Variants in EFNA5 observed in about 807,000 individuals in gnomAD.
EFNA5 encodes ephrin-A5.
Under a neutral mutation model 22.9 loss-of-function variants are expected in EFNA5, and 5 were observed. That is an observed-to-expected ratio of 0.22 (90% CI 0.11 to 0.46). The LOEUF is 0.46. Among genes scored for constraint, EFNA5 ranks in the 20% least tolerant of loss-of-function variants. The pLI is 0.99. For synonymous variants in EFNA5, 113 were observed against 112.2 expected, an observed-to-expected ratio of 1.01 and a Z score of -0.04; for missense variants, 237 against 293.3, an observed-to-expected ratio of 0.81 and a Z score of 1.40.
chr5:107,418,999 C>T (rs993198877), intron 2 of EFNA5, among the ~76,000 whole-genome samples: 2 of 152,246 alleles, frequency 1.3e-5, no homozygotes, highest in South Asian at 2.1e-4. Context: ...TTTCAATACC[C>T]TGTGTTCCTA....
chr5:107,392,481 G>T (rs1747813488), intron 2 of EFNA5, among the ~76,000 whole-genome samples: 2 of 152,148 alleles, frequency 1.3e-5, no homozygotes, highest in Non-Finnish European at 2.9e-5. Context: ...AACCCACAAA[G>T]AACTGAATTG....
chr5:107,435,551 A>G (rs1194590450), intron 1 of EFNA5, among the ~76,000 whole-genome samples: 2 of 152,084 alleles, frequency 1.3e-5, no homozygotes, highest in African/African-American at 2.4e-5. Context: ...GGATAGTTTC[A>G]CTGTTACCCC....
At chr5:107,562,022 G>A (rs1454945287) in intron 1 of EFNA5, among the ~76,000 whole-genome samples, 4 of 152,230 alleles carry the variant, frequency 2.6e-5, no homozygotes, top group Non-Finnish European at 4.4e-5. Flanking sequence ...ACCCTTGGCA[G>A]TTGAGGTCAG....
chr5:107,633,316 T>C (rs1213722505), intron 1 of EFNA5, among the ~76,000 whole-genome samples: 1 of 152,218 alleles, frequency 6.6e-6, no homozygotes, highest in African/African-American at 2.4e-5. Flanking sequence ...GCAATTAGGC[T>C]GTAAAAACCC....
chr5:107,380,724 C>T lies in EFNA5; in HGVS notation c.*531G>A, dbSNP rs1264245226. 5 of 398,600 alleles carry T rather than the reference C, an allele frequency of 1.3e-5. No individual in the cohort carries two copies. Among genetic ancestry groups the T allele is most frequent in the Non-Finnish European group, 2.2e-5 (5 of 226,296 alleles). 24.7% of individuals were successfully genotyped at this position (398,600 alleles called of 1,614,324 possible). On this transcript the variant is annotated 3_prime_UTR_variant, in exon 5 of 5. Transcript: ENST00000333274. ...ACTCCTATAGGAAATGGTGTAATATCGTATCTATTCTTAATACCTCCCCTC... is the reference window on the plus strand; with the variant it reads ...ACTCCTATAGGAAATGGTGTAATATTGTATCTATTCTTAATACCTCCCCTC...
At chr5:107,554,045 T>A (rs2112470835) in intron 1 of EFNA5, among the ~76,000 whole-genome samples, 1 of 152,340 alleles carries the variant, frequency 6.6e-6, no homozygotes, top group Admixed American at 6.5e-5. Context: ...TGAGAAGTAA[T>A]TCCTTTGAAA....
intron 1 of EFNA5, among the ~76,000 whole-genome samples, chr5:107,439,127 G>T (rs1035184962): frequency 2.1e-4 from 32 of 152,130 alleles, no homozygotes; most frequent in African/African-American, 7.5e-4. Context: ...TGGAGACAGG[G>T]TCTTTTTTGG....
chr5:107,534,205 A>G (rs538514192), intron 1 of EFNA5, among the ~76,000 whole-genome samples: 6 of 152,360 alleles, frequency 3.9e-5, no homozygotes, highest in Admixed American at 1.3e-4. Flanking sequence ...TAAGAGCAGC[A>G]AACACTTCAA....
intron 1 of EFNA5, among the ~76,000 whole-genome samples, chr5:107,665,977 A>T (rs1400073998): frequency 1.3e-5 from 2 of 152,188 alleles, no homozygotes; most frequent in African/African-American, 2.4e-5. Context: ...CAATACATCT[A>T]ATAATGTGAT....
intron 1 of EFNA5, among the ~76,000 whole-genome samples, chr5:107,569,559 TTA>T (rs70996962): frequency 4.1e-3 from 175 of 42,466 alleles, no homozygotes; most frequent in Middle Eastern, 0.016. Context: ...ATATATATAT[TTA>T]TATATATATA....
intron 1 of EFNA5, among the ~76,000 whole-genome samples, chr5:107,621,700 G>A (rs1750043484): frequency 6.6e-6 from 1 of 151,958 alleles, no homozygotes; most frequent in Non-Finnish European, 1.5e-5. Context: ...AGGATTAAAT[G>A]AGCATTAAAC....
intron 1 of EFNA5, among the ~76,000 whole-genome samples, chr5:107,615,365 G>A (rs945679511): frequency 6.6e-6 from 1 of 152,068 alleles, no homozygotes; most frequent in African/African-American, 2.4e-5. Flanking sequence ...GAGGATGCAA[G>A]AGAATTTCTA....
At chr5:107,606,887 AT>A (rs1749735960) in intron 1 of EFNA5, among the ~76,000 whole-genome samples, 1 of 152,020 alleles carries the variant, frequency 6.6e-6, no homozygotes, top group Admixed American at 6.6e-5. Flanking sequence ...CAGCGCCCTA[AT>A]TTTTTTCTCT....
chr5:107,384,078 C>T (rs1414557674), intron 4 of EFNA5, among the ~76,000 whole-genome samples: 1 of 152,148 alleles, frequency 6.6e-6, no homozygotes, highest in Non-Finnish European at 1.5e-5. Context: ...GAAGATTCTA[C>T]AGCCCCCAAA....
chr5:107,522,525 A>G (rs1293447004), intron 1 of EFNA5, among the ~76,000 whole-genome samples: 1 of 152,178 alleles, frequency 6.6e-6, no homozygotes, highest in African/African-American at 2.4e-5. Context: ...CAGCCTCCCA[A>G]GTAGCTAGGA....
chr5:107,377,219 T>C lies in EFNA5; in HGVS notation c.*4036A>G, dbSNP rs1245853441. 1 of 152,072 alleles carries C rather than the reference T, an allele frequency of 6.6e-6. No homozygotes were observed. Among genetic ancestry groups the C allele is most frequent in the Non-Finnish European group, 1.5e-5 (1 of 68,040 alleles). 9.4% of individuals were successfully genotyped at this position (152,072 alleles called of 1,614,324 possible). On this transcript the variant is annotated 3_prime_UTR_variant, in exon 5 of 5. Coordinates refer to ENST00000333274, the MANE Select transcript of EFNA5 (RefSeq NM_001962.3). ...GTAACCTCCGACATGCCAGCATCTATTAAACTGTACAGACAATGGGAGCAA... is the reference window on the plus strand; with the variant it reads ...GTAACCTCCGACATGCCAGCATCTACTAAACTGTACAGACAATGGGAGCAA...
At chr5:107,627,005 A>T (rs945613801) in intron 1 of EFNA5, among the ~76,000 whole-genome samples, 2 of 152,212 alleles carry the variant, frequency 1.3e-5, no homozygotes, top group Admixed American at 1.3e-4. Context: ...TTTTCTGTGT[A>T]GTATCATCAA....
At chr5:107,524,446 G>A (rs1340837955) in intron 1 of EFNA5, among the ~76,000 whole-genome samples, 2 of 152,192 alleles carry the variant, frequency 1.3e-5, no homozygotes, top group Admixed American at 6.5e-5. Flanking sequence ...TGTTAAAAAT[G>A]CAACAACAGC....
chr5:107,600,159 G>C (rs554061939), intron 1 of EFNA5, among the ~76,000 whole-genome samples: 1 of 152,332 alleles, frequency 6.6e-6, no homozygotes, highest in South Asian at 2.1e-4. Context: ...AAGTGAATTT[G>C]AGCTAAGGTT....
Sources: gnomAD v4.1 joint callset for allele counts (sites outside exome capture counted in the v4.1 genomes callset) on GRCh38, gnomAD v4.1.1 for gene constraint, MANE v1.5 for transcripts, NCBI Gene and HGNC (gene_info 2026-07-23, HGNC 2026-07-21) for gene names.